PDE8A: variants seen among roughly 807,000 people sequenced by gnomAD.
PDE8A encodes high affinity cAMP-specific and IBMX-insensitive 3',5'-cyclic phosphodiesterase 8A.
In PDE8A, 59 loss-of-function variants were observed where a neutral mutation model predicts 105.0. The ratio of observed to expected loss-of-function variants is 0.56; its 90% confidence interval spans 0.46 to 0.70. The LOEUF (loss-of-function observed/expected upper bound fraction) is 0.70. PDE8A is among the 30% of genes least tolerant of loss of function. PDE8A has a pLI of 0.00. For missense variants in PDE8A, 1,014 were observed against 1,045.9 expected, an observed-to-expected ratio of 0.97 and a Z score of 0.42; for synonymous variants, 355 against 371.9, an observed-to-expected ratio of 0.95 and a Z score of 0.52.
chr15:85,054,849 C>T (rs540489643), intron 1 of PDE8A, among the ~76,000 whole-genome samples: 1 of 152,278 alleles, frequency 6.6e-6, no homozygotes, highest in East Asian at 1.9e-4. Context: ...TTGCCTTCTG[C>T]TAGCTTTTGA....
At chr15:85,112,053 C>T (rs956083647) in intron 12 of PDE8A, among the ~76,000 whole-genome samples, 1 of 130,634 alleles carries the variant, frequency 7.7e-6, no homozygotes, top group African/African-American at 2.5e-5. Context: ...TAAACTTACT[C>T]ACTGTAAAAG....
At chr15:85,068,928 A>C (rs980625724) in intron 3 of PDE8A, among the ~76,000 whole-genome samples, 11 of 152,216 alleles carry the variant, frequency 7.2e-5, no homozygotes, top group African/African-American at 2.7e-4. Flanking sequence ...TCCACTTTTT[A>C]AGGGAAGAAA....
intron 5 of PDE8A, among the ~76,000 whole-genome samples, chr15:85,082,943 A>G (rs563410559): frequency 1.3e-5 from 2 of 152,356 alleles, no homozygotes; most frequent in Admixed American, 6.5e-5. Flanking sequence ...AAAATACTTA[A>G]TGTCCACGGC....
At chr15:85,089,500 T>G (rs896681622) in intron 7 of PDE8A, 84 bp downstream of exon 7, 1 of 667,930 alleles carries the variant, frequency 1.5e-6, no homozygotes, top group Non-Finnish European at 2.6e-6. Context: ...CAATATGATT[T>G]TTTTTTTTCT....
chr15:84,981,784 C>T (rs1474873840), upstream of PDE8A, among the ~76,000 whole-genome samples: 1 of 151,042 alleles, frequency 6.6e-6, no homozygotes, highest in South Asian at 2.1e-4. Context: ...GGCAGCGTGG[C>T]TCGCGCGGCG....
At chr15:85,048,808 TAACAA>T (rs1567248975) in intron 1 of PDE8A, among the ~76,000 whole-genome samples, 1 of 152,130 alleles carries the variant, frequency 6.6e-6, no homozygotes, top group Non-Finnish European at 1.5e-5. Flanking sequence ...TTTTAAAAAA[TAACAA>T]AACAAAGCCG....
intron 1 of PDE8A, among the ~76,000 whole-genome samples, chr15:85,053,983 A>G (rs750716567): frequency 1.8e-4 from 28 of 152,208 alleles, no homozygotes; most frequent in African/African-American, 3.1e-4. Flanking sequence ...TTATTTTGAG[A>G]TATGTCCCAT....
intron 1 of PDE8A, among the ~76,000 whole-genome samples, chr15:85,045,574 A>G (rs2080874420): frequency 6.6e-6 from 1 of 152,212 alleles, no homozygotes; most frequent in South Asian, 2.1e-4. Context: ...GATTGGATCC[A>G]AAGTATTTAC....
intron 1 of PDE8A, among the ~76,000 whole-genome samples, chr15:85,054,368 T>C (rs911978593): frequency 3.9e-5 from 6 of 152,236 alleles, no homozygotes; most frequent in Middle Eastern, 3.2e-3. Flanking sequence ...CTTTTTCTAT[T>C]GATCGGAATA....
intron 4 of PDE8A, 90 bp from the exon 5 acceptor site, chr15:85,076,643 A>G: frequency 1.2e-6 from 1 of 805,988 alleles, no homozygotes; most frequent in Non-Finnish European, 2.2e-6. Context: ...CTCATTACAT[A>G]ACGAAGTATT....
In PDE8A at chr15:85,092,882, G is replaced by A. The variant is rs548172985; in HGVS notation, c.852+1701G>A. 1.1e-4 allele frequency among the ~76,000 whole-genome samples: 16 copies of A among 151,386 alleles called. No homozygotes were observed. In the South Asian group the frequency reaches 2.7e-3, roughly 26 times the overall value. ...TTATACTTATTGTGAGCAAGGAATAGGAAACATCATCAAATTATTGACCCC... is the reference window on the plus strand; with the variant it reads ...TTATACTTATTGTGAGCAAGGAATAAGAAACATCATCAAATTATTGACCCC... On this transcript the variant is annotated intron_variant, in intron 8 of 21. Transcript: ENST00000394553.
At chr15:85,025,014 T>C (rs1439402619) in intron 1 of PDE8A, among the ~76,000 whole-genome samples, 1 of 152,226 alleles carries the variant, frequency 6.6e-6, no homozygotes, top group Non-Finnish European at 1.5e-5. Flanking sequence ...TATCTGGTGT[T>C]TTTCCATTAT....
chr15:85,035,684 A>G (rs560392519), intron 1 of PDE8A, among the ~76,000 whole-genome samples: 1 of 124,710 alleles, frequency 8.0e-6, no homozygotes, highest in African/African-American at 3.4e-5. Flanking sequence ...TTTATTTTGA[A>G]TAGTTATGTT....
In PDE8A at chr15:85,099,977, A is replaced by G. The variant is rs577843903; in HGVS notation, c.942-38A>G. The G allele has an allele frequency of 5.3e-4, 811 of 1,525,484 alleles. 11 individuals carry two copies. The South Asian group carries it at 9.0e-3, about 17-fold the overall frequency. The allele number at this position is 1,525,484 out of a possible 1,614,324, so 94.5% of individuals were successfully genotyped here. On this transcript the variant is annotated intron_variant, in intron 9 of 21. Coordinates refer to ENST00000394553, the MANE Select transcript of PDE8A (RefSeq NM_002605.3). ...TAACGACATATCCATCAAATTAGAG[A>G]CTCAGAAGAGAAATAATGCATTGTT...
chr15:85,021,183 G>T (rs1201656903), intron 1 of PDE8A, among the ~76,000 whole-genome samples: 1 of 152,074 alleles, frequency 6.6e-6, no homozygotes, highest in Non-Finnish European at 1.5e-5. Context: ...TGAAGAGTAG[G>T]CCCTCACCAG....
At chr15:85,115,615 A>G in intron 15 of PDE8A, 128 bp downstream of exon 15, 1 of 585,366 alleles carries the variant, frequency 1.7e-6, no homozygotes, top group Non-Finnish European at 2.9e-6. Flanking sequence ...GAAACAAAGC[A>G]GCTGTCCCTG....
intron 1 of PDE8A, among the ~76,000 whole-genome samples, chr15:85,047,055 T>G (rs1216534438): frequency 2.0e-5 from 3 of 152,240 alleles, no homozygotes; most frequent in African/African-American, 7.2e-5. Context: ...ATTACTGATA[T>G]CAGCTATTGA....
chr15:85,104,693 TAAGA>T (rs912024594), intron 11 of PDE8A, among the ~76,000 whole-genome samples: 1 of 152,102 alleles, frequency 6.6e-6, no homozygotes, highest in Non-Finnish European at 1.5e-5. Context: ...AATAAGATCG[TAAGA>T]AAGAGCAGGT....
intron 20 of PDE8A, among the ~76,000 whole-genome samples, chr15:85,132,165 T>A (rs2082338939): frequency 6.6e-6 from 1 of 152,150 alleles, no homozygotes; most frequent in African/African-American, 2.4e-5. Flanking sequence ...AAATATGGGG[T>A]CTCACTATGT....
Sources: allele counts gnomAD v4.1 joint callset (sites outside exome capture counted in the v4.1 genomes callset), GRCh38; gene constraint gnomAD v4.1.1; transcripts MANE v1.5; gene names NCBI Gene and HGNC (gene_info 2026-07-23, HGNC 2026-07-21).